The following TRPV5 variants were observed in gnomAD, a reference collection of about 807,000 sequenced individuals.
The protein encoded by TRPV5 is transient receptor potential cation channel subfamily V member 5.
Under a neutral mutation model 74.1 loss-of-function variants are expected in TRPV5, and 66 were observed. That is an observed-to-expected ratio of 0.89 (90% CI 0.73 to 1.09). The LOEUF is 1.09. Ranked by LOEUF, TRPV5 falls within the 50% of genes least tolerant of loss-of-function variation. The pLI, the probability that TRPV5 is intolerant of heterozygous loss-of-function variation, is 0.00. For synonymous variants in TRPV5, 399 were observed against 360.7 expected (o/e 1.11, Z -1.20); for missense variants, 936 against 930.4 (o/e 1.01, Z -0.08).
intron 13 of TRPV5, among the ~76,000 whole-genome samples, chr7:142,910,712 G>C (rs1408969153): frequency 6.6e-6 from 1 of 152,156 alleles, no homozygotes; most frequent in Non-Finnish European, 1.5e-5. Context: ...GTCATTCTGT[G>C]CTCTTACCCT....
intron 3 of TRPV5, 88 bp downstream of exon 3, chr7:142,929,970 A>C: frequency 1.9e-6 from 3 of 1,594,946 alleles, no homozygotes; most frequent in African/African-American, 2.9e-5. Flanking sequence ...CCCCACCCCA[A>C]CCCATCCTTC....
chr7:142,909,731 C>T (rs1201691913), intron 13 of TRPV5, 135 bp from the exon 14 acceptor site: 4 of 833,442 alleles, frequency 4.8e-6, no homozygotes, highest in Admixed American at 2.4e-5. Flanking sequence ...AGAACAGCCA[C>T]CTATTCACCC....
rs1795644587 is a variant in TRPV5, at chr7:142,908,424, A to T, written c.*90T>A. ...ACCCTCCCATGATTAACAGGCACAG[A>T]AGTTAGACACTTGCATAGGCAGAGG... On this transcript the variant is annotated 3_prime_UTR_variant, in exon 15 of 15. Transcript: ENST00000265310. 7.1e-7 allele frequency: 1 copy of T among 1,416,498 alleles called. No individual in the cohort carries two copies. Among genetic ancestry groups the T allele is most frequent in the South Asian group, 1.3e-5 (1 of 77,912 alleles). 87.7% of individuals were successfully genotyped at this position (1,416,498 alleles called of 1,614,324 possible).
rs151076763 is a variant in TRPV5 at position 142,921,321 on chromosome 7, G to A, written c.1122+4208C>T. 3.1e-3 allele frequency among the ~76,000 whole-genome samples: 467 copies of A among 152,114 alleles called. 1 individual carries two copies. Among genetic ancestry groups the A allele is most frequent in the African/African-American group, 0.01 (423 of 41,482 alleles). ...TTTTGAGACGGAGTCTCATACTGTCGCCTGGCCTGGAGTGCAATGGCGTGA... is the reference window on the plus strand; with the variant it reads ...TTTTGAGACGGAGTCTCATACTGTCACCTGGCCTGGAGTGCAATGGCGTGA... On this transcript the variant is annotated intron_variant, in intron 8 of 14. Transcript: ENST00000265310.
intron 7 of TRPV5, among the ~76,000 whole-genome samples, chr7:142,926,154 G>A (rs1395637474): frequency 6.6e-6 from 1 of 152,198 alleles, no homozygotes; most frequent in African/African-American, 2.4e-5. Flanking sequence ...AGGAAGAACA[G>A]GGCCAGGTCA....
chr7:142,933,242 T>C (rs1796125731), intron 1 of TRPV5, 90 bp downstream of exon 1: 1 of 1,514,792 alleles, frequency 6.6e-7, no homozygotes, highest in South Asian at 1.2e-5. Flanking sequence ...AATACACTTC[T>C]AGGGTGCTGT....
rs1795643817 is a variant in TRPV5 at position 142,908,378 on chromosome 7, C to T, written c.*136G>A. 5.3e-6 allele frequency: 5 copies of T among 944,032 alleles called. No homozygotes were observed. The East Asian group carries it at 1.3e-4, about 25-fold the overall frequency. 58.5% of individuals were successfully genotyped at this position (944,032 alleles called of 1,614,324 possible). On this transcript the variant is annotated 3_prime_UTR_variant, in exon 15 of 15. Coordinates refer to ENST00000265310, the MANE Select transcript of TRPV5 (RefSeq NM_019841.7). ...CTGATGTGAAGTGTGAGGCATGACC[C>T]TTTAGGGATTGTTCTGTCTCACCCT...
At chr7:142,919,521 G>A (rs1252671613) in intron 8 of TRPV5, among the ~76,000 whole-genome samples, 1 of 152,126 alleles carries the variant, frequency 6.6e-6, no homozygotes, top group Non-Finnish European at 1.5e-5. Flanking sequence ...CTAGATCAAG[G>A]TCACCTAAGC....
intron 8 of TRPV5, among the ~76,000 whole-genome samples, chr7:142,920,601 G>C (rs1795867457): frequency 6.6e-6 from 1 of 152,140 alleles, no homozygotes; most frequent in African/African-American, 2.4e-5. Context: ...GGTGTTTAAA[G>C]GTGAGGATTC....
In TRPV5 at chr7:142,915,049, G is replaced by A. The variant is rs1447011987; in HGVS notation, c.1287-3C>T. ...GCACCAGGGAGGCATAGGTGATGCT[G>A]GGGGAGCAGAAAGCAGAGAGTGAGA... On this transcript the variant is annotated splice_polypyrimidine_tract_variant and splice_region_variant and intron_variant, in intron 10 of 14. Transcript: ENST00000265310. 1 of 1,613,246 alleles carries A rather than the reference G, an allele frequency of 6.2e-7. No individual in the cohort carries two copies. The highest frequency in any genetic ancestry group is 8.5e-7 in the Non-Finnish European group (1 of 1,179,590).
intron 3 of TRPV5, 135 bp from the exon 4 acceptor site, chr7:142,929,700 G>A (rs1053071885): frequency 3.3e-5 from 45 of 1,375,826 alleles, no homozygotes; most frequent in Non-Finnish European, 3.6e-5. Flanking sequence ...TGGCAGGGTG[G>A]CCTGGGACTA....
Position 142,932,255 on chromosome 7 carries a change from C to T in TRPV5, c.128+1077G>A, listed in dbSNP as rs570778047. On this transcript the variant is annotated intron_variant, in intron 1 of 14. Coordinates refer to ENST00000265310, the MANE Select transcript of TRPV5 (RefSeq NM_019841.7). ...CCTCCCTGGCCCTCTATCCCCACTG[C>T]CCCTCTGCAGAGGGTCCAAGTTGGG... Among the ~76,000 whole-genome samples the T allele has an allele frequency of 2.0e-4, 31 of 152,266 alleles. No individual in the cohort carries two copies. In the South Asian group the frequency reaches 5.8e-3, roughly 28 times the overall value.
intron 1 of TRPV5, among the ~76,000 whole-genome samples, 185 bp downstream of exon 1, chr7:142,933,147 T>C (rs1256587729): frequency 6.6e-6 from 1 of 152,150 alleles, no homozygotes; most frequent in East Asian, 1.9e-4. Flanking sequence ...AGCCACATCC[T>C]CCACCGCCAC....
chr7:142,928,342 G>C, intron 6 of TRPV5, 108 bp from the exon 7 acceptor site: 2 of 1,207,790 alleles, frequency 1.7e-6, no homozygotes, highest in Non-Finnish European at 2.4e-6. Flanking sequence ...CAGACAGACA[G>C]TGGGAACCAG....
intron 8 of TRPV5, among the ~76,000 whole-genome samples, chr7:142,919,339 G>A (rs1795846952): frequency 6.6e-6 from 1 of 152,182 alleles, no homozygotes; most frequent in Non-Finnish European, 1.5e-5. Flanking sequence ...GGTAAGAAAG[G>A]AAAGAAGGAA....
At position 142,933,360 on chromosome 7, in the gene TRPV5, C is replaced by T. The variant is rs1445207174; in HGVS notation, c.100G>A (p.Asp34Asn). 3 of 1,613,902 alleles carry T rather than the reference C, an allele frequency of 1.9e-6. No individual in the cohort carries two copies. The highest frequency in any genetic ancestry group is 1.7e-5 in the Admixed American group (1 of 59,996). The change falls in exon 1 of 15, where the codon GAC (aspartate) becomes AAC (asparagine). Residue 34 changes from aspartate (D) to asparagine (N), a missense_variant. Physicochemically the swap from Asp to Asn is conservative, Grantham distance 23. Coordinates refer to ENST00000265310, the MANE Select transcript of TRPV5 (RefSeq NM_019841.7). ...VREQDWDQHLDKLHMLQQKRI... is the reference protein window; with the variant it reads ...VREQDWDQHLNKLHMLQQKRI... ...TTCTGCTGCAGCATATGAAGCTTGT[C>T]CAGGTGCTGGTCCCAGTCTTGTTCT... is the stretch of plus-strand genomic sequence containing the variant.
chr7:142,909,341 G>A (rs990036833), intron 14 of TRPV5, 149 bp downstream of exon 14: 29 of 759,986 alleles, frequency 3.8e-5, no homozygotes, highest in Non-Finnish European at 5.9e-5. Context: ...CTGCCCTGAG[G>A]TACACACAGC....
intron 3 of TRPV5, 139 bp from the exon 4 acceptor site, chr7:142,929,704 G>T: frequency 7.5e-7 from 1 of 1,339,968 alleles, no homozygotes; most frequent in East Asian, 2.5e-5. Context: ...AGGGTGGCCT[G>T]GGACTAAGAG....
At chr7:142,912,343 T>C in intron 13 of TRPV5, 139 bp downstream of exon 13, 1 of 1,146,528 alleles carries the variant, frequency 8.7e-7, no homozygotes, top group East Asian at 2.5e-5. Context: ...TACCTCAGGT[T>C]TACACAAACC....
Sources: allele counts gnomAD v4.1 joint callset (sites outside exome capture counted in the v4.1 genomes callset), GRCh38; gene constraint gnomAD v4.1.1; transcripts MANE v1.5; gene names NCBI Gene and HGNC (gene_info 2026-07-23, HGNC 2026-07-21).